LMNA: variants seen among roughly 807,000 people sequenced by gnomAD.
LMNA encodes lamin A/C.
A neutral mutation model predicts 70.4 loss-of-function variants in LMNA; 20 were observed. The ratio of observed to expected loss-of-function variants is 0.28; its 90% CI spans 0.20 to 0.41. The LOEUF (loss-of-function observed/expected upper bound fraction) is 0.41. LMNA is among the 10% of genes least tolerant of loss of function. LMNA has a pLI of 1.00. For synonymous variants in LMNA, 339 were observed against 372.8 expected (o/e 0.91, Z 1.04); for missense variants, 652 against 917.2 (o/e 0.71, Z 3.73).
intron 1 of LMNA, among the ~76,000 whole-genome samples, chr1:156,121,812 A>T (rs1650208185): frequency 6.6e-6 from 1 of 152,116 alleles, no homozygotes; most frequent in African/African-American, 2.4e-5. Flanking sequence ...CCGAACTCTA[A>T]TATTATAGGA....
At chr1:156,127,292 A>G (rs1180533791) in intron 1 of LMNA, among the ~76,000 whole-genome samples, 2 of 152,116 alleles carry the variant, frequency 1.3e-5, no homozygotes, top group Non-Finnish European at 2.9e-5. Context: ...CTGGCCACAG[A>G]GCTCCCAAGG....
In LMNA at chr1:156,135,290, A is replaced by G. The variant is rs1651464267; in HGVS notation, c.914A>G (p.Gln305Arg). Reference sequence around the variant, plus strand: ...ATCCGCATCGACAGCCTCTCTGCCCAGCTCAGCCAGCTCCAGAAGCAGGTG... The same window carrying G: ...ATCCGCATCGACAGCCTCTCTGCCCGGCTCAGCCAGCTCCAGAAGCAGGTG... ...SRIRIDSLSAQLSQLQKQLAA... is the reference protein window; with the variant it reads ...SRIRIDSLSARLSQLQKQLAA... The change falls in exon 5 of 12, where the codon CAG (glutamine) becomes CGG (arginine). Residue 305 changes from glutamine to arginine, a missense_variant. Gln to Arg is a conservative substitution (Grantham distance 43). This residue lies in a region of LMNA where 254 missense variants were observed against 421.9 expected (regional missense o/e 0.60). Transcript: ENST00000368300. The surrounding 1 kb of genome is among the most constrained non-coding windows in gnomAD (Gnocchi z 4.8). 1 of 1,609,840 alleles carries G rather than the reference A, an allele frequency of 6.2e-7. No individual in the cohort carries two copies. Among genetic ancestry groups the G allele is most frequent in the Non-Finnish European group, 8.5e-7 (1 of 1,177,708 alleles).
chr1:156,115,417 C>G lies in LMNA; in HGVS notation c.356+143C>G, dbSNP rs949972424. On this transcript the variant is annotated intron_variant, in intron 1 of 11. Transcript: ENST00000368300. The surrounding 1 kb of genome is among the most constrained non-coding windows in gnomAD (Gnocchi z 5.8). Reference sequence around the variant, plus strand: ...GTCTCCTCCCTCCCCGGAACTGCCCCCAGCGGGTGACTGGCAGTGTCAAGG... The same window carrying G: ...GTCTCCTCCCTCCCCGGAACTGCCCGCAGCGGGTGACTGGCAGTGTCAAGG... The G allele has an allele frequency of 1.3e-6, 1 of 760,216 alleles. No individual in the cohort carries two copies. The highest frequency in any genetic ancestry group is 2.2e-6 in the Non-Finnish European group (1 of 445,076). The allele number at this position is 760,216 out of a possible 1,614,324, so 47.1% of individuals were successfully genotyped here.
At chr1:156,120,458 G>A (rs1056904030) in intron 1 of LMNA, among the ~76,000 whole-genome samples, 5 of 152,176 alleles carry the variant, frequency 3.3e-5, no homozygotes, top group African/African-American at 9.7e-5. Flanking sequence ...GCCATACTTC[G>A]TGGCTCATGC....
At position 156,135,673 on chromosome 1, in the gene LMNA, C is replaced by T. The variant is rs962625316; in HGVS notation, c.937-228C>T. 1.7e-6 allele frequency: 1 copy of T among 602,720 alleles called. No individual in the cohort carries two copies. Among genetic ancestry groups the T allele is most frequent in the Non-Finnish European group, 2.9e-6 (1 of 340,740 alleles). The allele number at this position is 602,720 out of a possible 1,614,324, so 37.3% of individuals were successfully genotyped here. A position where few individuals can be genotyped will look rare whatever the true frequency, so the allele number is the denominator to read the frequency against. On this transcript the variant is annotated intron_variant, in intron 5 of 11. Coordinates refer to ENST00000368300, the MANE Select transcript of LMNA (RefSeq NM_170707.4). This position sits in a 1 kb window ranked among gnomAD's most constrained non-coding sequence, Gnocchi z 4.8. ...TTTGTGACAGGAGAAAAAGTCTAGC[C>T]TCAGAACGAGAGGTTTCAGTTAGAC...
chr1:156,084,032 G>T (rs927507684), intron 2 of LMNA, among the ~76,000 whole-genome samples: 2 of 152,146 alleles, frequency 1.3e-5, no homozygotes, highest in African/African-American at 4.8e-5. Context: ...CAGCTTGAGG[G>T]CTCGAGGTCA....
At chr1:156,126,155 G>T (rs1043543110) in intron 1 of LMNA, 91 of 1,519,044 alleles carry the variant, frequency 6.0e-5, no homozygotes, top group Non-Finnish European at 7.2e-5. Flanking sequence ...ATGCCCAGGG[G>T]CTGGGAGACC....
Position 156,134,808 on chromosome 1 carries a change from C to G in LMNA, c.643C>G (p.Leu215Val), listed in dbSNP as rs397517905. 1 of 1,614,194 alleles carries G rather than the reference C, an allele frequency of 6.2e-7. No homozygotes were observed. The highest frequency in any genetic ancestry group is 8.5e-7 in the Non-Finnish European group (1 of 1,180,038). The change falls in exon 4 of 12, where the codon CTG becomes GTG. Residue 215 changes from leucine (L) to valine (V), a missense_variant. Leu to Val is a conservative substitution (Grantham distance 32, BLOSUM62 1). Around this residue, in one of 4 missense-constraint regions of LMNA, gnomAD observed 254 missense variants for 421.9 expected, o/e 0.60. Coordinates refer to ENST00000368300, the MANE Select transcript of LMNA (RefSeq NM_170707.4). This position sits in a 1 kb window ranked among gnomAD's most constrained non-coding sequence, Gnocchi z 5.3. ...GTCCTTCCTCCAACCCTTCCAGGAGCTGCGTGAGACCAAGCGCCGTCATGA... is the reference window on the plus strand; with the variant it reads ...GTCCTTCCTCCAACCCTTCCAGGAGGTGCGTGAGACCAAGCGCCGTCATGA... ...DFQKNIYSEE[L>V]RETKRRHETR...
Position 156,134,592 on chromosome 1 carries a change from A to T in LMNA, c.639+64A>T. The T allele has an allele frequency of 6.2e-7, 1 of 1,606,734 alleles. No homozygotes were observed. The highest frequency in any genetic ancestry group is 1.1e-5 in the South Asian group (1 of 90,494). On this transcript the variant is annotated intron_variant, in intron 3 of 11. Coordinates refer to ENST00000368300, the MANE Select transcript of LMNA (RefSeq NM_170707.4). This position sits in a 1 kb window ranked among gnomAD's most constrained non-coding sequence, Gnocchi z 5.3. ...GGTGATGACAGACTTGGGCTGGGCT[A>T]GGGGGGACCAGCTGTGTGCAGAGCT...
chr1:156,138,858 TC>T lies in LMNA; in HGVS notation c.1968+103del. The T allele has an allele frequency of 6.7e-7, 1 of 1,502,064 alleles. No individual in the cohort carries two copies. The highest frequency in any genetic ancestry group is 9.2e-7 in the Non-Finnish European group (1 of 1,089,370). The allele number at this position is 1,502,064 out of a possible 1,614,324, so 93.0% of individuals were successfully genotyped here. ...GCAGGGGGGAGAGCCTGCCTTCTCT[TC>T]CGCAGCCCGGGGGAGTGGGAGCCTC... is the stretch of plus-strand genomic sequence containing the variant. On this transcript the variant is annotated intron_variant, in intron 11 of 11. Transcript: ENST00000368300. The surrounding 1 kb of genome is among the most constrained non-coding windows in gnomAD (Gnocchi z 5.5).
At chr1:156,111,309 C>T (rs532449411), upstream of LMNA, among the ~76,000 whole-genome samples, 76 of 151,570 alleles carry the variant, frequency 5.0e-4, 1 homozygote, top group South Asian at 0.014. Flanking sequence ...ATTAGCCGGG[C>T]GTGGTGGCAC....
intron 3 of LMNA, among the ~76,000 whole-genome samples, chr1:156,105,964 A>C (rs918383228): frequency 6.6e-5 from 10 of 151,966 alleles, no homozygotes; most frequent in Non-Finnish European, 1.0e-4. Context: ...TTAAAAAAAA[A>C]CAGAAAACAA....
rs1651434717 is a variant in LMNA, at chr1:156,135,093, C to T, written c.811-94C>T. On this transcript the variant is annotated intron_variant, in intron 4 of 11. Coordinates refer to ENST00000368300, the MANE Select transcript of LMNA (RefSeq NM_170707.4). The surrounding 1 kb of genome is among the most constrained non-coding windows in gnomAD (Gnocchi z 4.8). ...TGGTGGCAGGGAGCTCAGGGTGGCCCAGGACCTGGGGCTGTAGCAGTGATG... is the reference window on the plus strand; with the variant it reads ...TGGTGGCAGGGAGCTCAGGGTGGCCTAGGACCTGGGGCTGTAGCAGTGATG... The T allele has an allele frequency of 6.2e-7, 1 of 1,610,976 alleles. No homozygotes were observed. Among genetic ancestry groups the T allele is most frequent in the Non-Finnish European group, 8.5e-7 (1 of 1,177,768 alleles).
chr1:156,139,511 C>A lies in LMNA; in HGVS notation c.*405C>A. On this transcript the variant is annotated 3_prime_UTR_variant, in exon 12 of 12. Coordinates refer to ENST00000368300, the MANE Select transcript of LMNA (RefSeq NM_170707.4). ...ACCCCGGGGACCCTGTGACATGGTG[C>A]CTGAGAGGCAGGCATAGAGGCTTCT... 7.5e-7 allele frequency: 1 copy of A among 1,341,350 alleles called. No individual in the cohort carries two copies. Among genetic ancestry groups the A allele is most frequent in the Non-Finnish European group, 9.5e-7 (1 of 1,048,574 alleles). The allele number at this position is 1,341,350 out of a possible 1,614,324, so 83.1% of individuals were successfully genotyped here.
intron 3 of LMNA, among the ~76,000 whole-genome samples, chr1:156,097,354 C>T (rs1203015226): frequency 6.6e-6 from 1 of 152,200 alleles, no homozygotes; most frequent in Non-Finnish European, 1.5e-5. Context: ...AGCATGCATT[C>T]CCCCAGCCCA....
At chr1:156,087,164 G>A (rs1210213743) in intron 2 of LMNA, among the ~76,000 whole-genome samples, 1 of 152,056 alleles carries the variant, frequency 6.6e-6, no homozygotes, top group Non-Finnish European at 1.5e-5. Flanking sequence ...ACTTCTCTCA[G>A]GATGCCTTCT....
chr1:156,135,394 G>A lies in LMNA; in HGVS notation c.936+82G>A. 1 of 1,471,164 alleles carries A rather than the reference G, an allele frequency of 6.8e-7. No individual in the cohort carries two copies. Among genetic ancestry groups the A allele is most frequent in the Non-Finnish European group, 9.2e-7 (1 of 1,081,212 alleles). 91.1% of individuals were successfully genotyped at this position (1,471,164 alleles called of 1,614,324 possible). ...CTGGAAGCCCAGGGTTGGGGGTGGG[G>A]GTGGGGGTGGGAGGTTCCTGAGGAG... On this transcript the variant is annotated intron_variant, in intron 5 of 11. Coordinates refer to ENST00000368300, the MANE Select transcript of LMNA (RefSeq NM_170707.4). The surrounding 1 kb of genome is among the most constrained non-coding windows in gnomAD (Gnocchi z 4.8).
intron 3 of LMNA, among the ~76,000 whole-genome samples, chr1:156,106,264 G>A (rs1380198143): frequency 1.3e-5 from 2 of 152,268 alleles, no homozygotes; most frequent in African/African-American, 4.8e-5. Flanking sequence ...GGGAGAAAGG[G>A]AATCCTTTTC....
intron 2 of LMNA, among the ~76,000 whole-genome samples, chr1:156,086,993 G>C (rs796654538): frequency 1.6e-4 from 25 of 152,144 alleles, no homozygotes; most frequent in African/African-American, 6.0e-4. Flanking sequence ...TGTTATCACT[G>C]TCTGAACACT....
Sources: gnomAD v4.1 joint callset for allele counts (sites outside exome capture counted in the v4.1 genomes callset) on GRCh38, gnomAD v4.1.1 for gene constraint, gnomAD v4.1.1 regional missense constraint, Gnocchi (gnomAD v3.1) non-coding constraint, MANE v1.5 for transcripts, NCBI Gene and HGNC (gene_info 2026-07-23, HGNC 2026-07-21) for gene names.